The following MYOF variants were observed in gnomAD, a reference collection of about 807,000 sequenced individuals.
MYOF encodes fer-1-like 3, myoferlin.
A neutral mutation model predicts 284.2 loss-of-function variants in MYOF; 244 were observed. The ratio of observed to expected loss-of-function variants is 0.86; its 90% CI spans 0.77 to 0.95. MYOF has a LOEUF of 0.95. MYOF is among the 40% of genes least tolerant of loss of function. MYOF has a pLI of 0.00. For synonymous variants in MYOF, 904 were observed against 919.7 expected (o/e 0.98, Z 0.31); for missense variants, 2,496 against 2,560.6 (o/e 0.97, Z 0.54).
At position 93,426,100 on chromosome 10, in the gene MYOF, A is replaced by G. The variant is rs1848579629; in HGVS notation, c.404T>C (p.Leu135Pro). Reference sequence around the variant, plus strand: ...CATGCCTGGCACGCTGGGCCCGCTCAGGTCATTTGGATGTGGAGCAGAAGG... The same window carrying G: ...CATGCCTGGCACGCTGGGCCCGCTCGGGTCATTTGGATGTGGAGCAGAAGG... ...DPPSAPHPND[L>P]SGPSVPGMGG... Residue 135 changes from leucine (L) to proline (P), a missense_variant, in exon 5 of 54, where the codon CTG becomes CCG. Physicochemically the swap from Leu to Pro is moderately conservative, Grantham distance 98. Coordinates refer to ENST00000359263, the MANE Select transcript of MYOF (RefSeq NM_013451.4). 1.3e-6 allele frequency: 2 copies of G among 1,560,476 alleles called. No individual in the cohort carries two copies. The highest frequency in any genetic ancestry group is 4.8e-5 in the East Asian group (2 of 41,960).
intron 5 of MYOF, among the ~76,000 whole-genome samples, chr10:93,412,632 T>C (rs565987656): frequency 2.8e-4 from 42 of 152,314 alleles, no homozygotes; most frequent in African/African-American, 1.0e-3. Context: ...AGGCTTCCCC[T>C]ACTCCCAGGC....
At chr10:93,447,019 G>A (rs1417882468) in intron 3 of MYOF, among the ~76,000 whole-genome samples, 2 of 152,008 alleles carry the variant, frequency 1.3e-5, no homozygotes, top group African/African-American at 2.4e-5. Flanking sequence ...ACCCAGCCTC[G>A]TTTGGTCTTT....
chr10:93,404,511 G>A (rs1847456517), intron 7 of MYOF, among the ~76,000 whole-genome samples: 1 of 152,074 alleles, frequency 6.6e-6, no homozygotes, highest in African/African-American at 2.4e-5. Flanking sequence ...GCTAAATAAT[G>A]TAAAGATCCA....
chr10:93,338,122 G>A (rs112243595), intron 39 of MYOF, among the ~76,000 whole-genome samples: 2,329 of 151,454 alleles, frequency 0.015, 58 homozygotes, highest in African/African-American at 0.053. Flanking sequence ...ATTCTGGGCC[G>A]ATGAAATGTG....
intron 45 of MYOF, among the ~76,000 whole-genome samples, chr10:93,327,067 A>G (rs1843080781): frequency 6.6e-6 from 1 of 152,062 alleles, no homozygotes; most frequent in African/African-American, 2.4e-5. Context: ...TGTGACTCCA[A>G]GGCTTAGACA....
At chr10:93,403,551 T>C (rs1847403251) in intron 9 of MYOF, among the ~76,000 whole-genome samples, 1 of 152,210 alleles carries the variant, frequency 6.6e-6, no homozygotes, top group Non-Finnish European at 1.5e-5. Context: ...GCCTATTCCA[T>C]GTAGAATTGC....
intron 22 of MYOF, among the ~76,000 whole-genome samples, chr10:93,377,069 G>A (rs1845868737): frequency 6.6e-6 from 1 of 151,726 alleles, no homozygotes; most frequent in Admixed American, 6.6e-5. Flanking sequence ...GCCTGAGGCT[G>A]CCTGGGACGT....
chr10:93,449,346 C>T (rs760126694), intron 3 of MYOF, among the ~76,000 whole-genome samples: 4 of 152,100 alleles, frequency 2.6e-5, no homozygotes, highest in East Asian at 1.9e-4. Context: ...GCATGTGCAC[C>T]CTGCACTGTA....
chr10:93,369,746 C>T lies in MYOF; in HGVS notation c.2488G>A (p.Val830Met). 1.2e-6 allele frequency: 2 copies of T among 1,614,160 alleles called. No homozygotes were observed. The highest frequency in any genetic ancestry group is 1.7e-6 in the Non-Finnish European group (2 of 1,180,024). The change falls in exon 25 of 54, where the codon GTG becomes ATG. Residue 830 changes from valine to methionine, a missense_variant. Val to Met is a conservative substitution (Grantham distance 21). Around this residue, in one of 3 missense-constraint regions of MYOF, gnomAD observed 2,436 missense variants for 2,480.7 expected, o/e 0.98. Transcript: ENST00000359263. ...YPQEKNNGPK[V>M]PVELRVNIWL... The stretch of plus-strand genomic sequence containing the variant: ...ATGTTCACTCGCAACTCCACAGGCA[C>T]CTTTGGCCCGTTGTTTTTCTCCTGT...
chr10:93,432,489 G>C (rs1201779379), intron 3 of MYOF, among the ~76,000 whole-genome samples: 1 of 152,152 alleles, frequency 6.6e-6, no homozygotes, highest in Non-Finnish European at 1.5e-5. Flanking sequence ...AGTAAGAGAG[G>C]AAGGCATTTC....
chr10:93,325,770 C>T, intron 46 of MYOF, 56 bp downstream of exon 46: 2 of 1,545,774 alleles, frequency 1.3e-6, no homozygotes, highest in South Asian at 2.4e-5. Flanking sequence ...ATGTCAACTA[C>T]TGCCATTGCA....
intron 5 of MYOF, among the ~76,000 whole-genome samples, chr10:93,414,148 A>G (rs1014254459): frequency 2.6e-5 from 4 of 152,148 alleles, no homozygotes; most frequent in African/African-American, 9.7e-5. Context: ...GCTCCCGGCA[A>G]TCCTGAGCAT....
chr10:93,401,348 G>C (rs1028819591), intron 12 of MYOF, 70 bp downstream of exon 12: 2 of 1,580,134 alleles, frequency 1.3e-6, no homozygotes, highest in African/African-American at 2.7e-5. Flanking sequence ...CACTATTAAA[G>C]TTTGATTTTT....
chr10:93,432,717 TCTCC>T (rs1433222196), intron 3 of MYOF, among the ~76,000 whole-genome samples: 1 of 152,080 alleles, frequency 6.6e-6, no homozygotes, highest in African/African-American at 2.4e-5. Context: ...TACCCATCTA[TCTCC>T]TATCATACCT....
chr10:93,438,912 G>A (rs867544289), intron 3 of MYOF, among the ~76,000 whole-genome samples: 1 of 152,200 alleles, frequency 6.6e-6, no homozygotes, highest in African/African-American at 2.4e-5. Context: ...GGCCAGGACT[G>A]CCAGAGAACC....
intron 27 of MYOF, 37 bp downstream of exon 27, chr10:93,363,924 G>T: frequency 6.3e-7 from 1 of 1,587,894 alleles, no homozygotes; most frequent in South Asian, 1.1e-5. Flanking sequence ...GATCAGAGGT[G>T]ACAGGTGAGA....
chr10:93,351,455 G>A lies in MYOF; in HGVS notation c.3780C>T (p.Cys1260=), dbSNP rs377740913. 38 of 1,614,006 alleles carry A rather than the reference G, an allele frequency of 2.4e-5. No homozygotes were observed. The highest frequency in any genetic ancestry group is 4.4e-5 in the South Asian group (4 of 91,080). Residue 1260 remains cysteine (C), a synonymous_variant, in exon 34 of 54, where the codon TGC becomes TGT. Transcript: ENST00000359263. ...GCTCTGCAGTTACAAGAACATCCCC[G>A]CAGGCTTTGTCTCCATTCATTACTG... ...WHPVMNGDKA[C]GDVLVTAELI...
intron 49 of MYOF, among the ~76,000 whole-genome samples, chr10:93,317,611 T>G (rs1310455721): frequency 2.0e-5 from 3 of 152,156 alleles, no homozygotes; most frequent in Non-Finnish European, 4.4e-5. Context: ...CACTCCAGCC[T>G]GGGCGACAGA....
chr10:93,469,999 C>T (rs541933103), intron 1 of MYOF, among the ~76,000 whole-genome samples: 4 of 152,010 alleles, frequency 2.6e-5, no homozygotes, highest in East Asian at 1.9e-4. Context: ...GAGGCCAAGG[C>T]GGGCAGATCG....
Sources: allele counts gnomAD v4.1 joint callset (sites outside exome capture counted in the v4.1 genomes callset), GRCh38; gene constraint gnomAD v4.1.1; regional missense constraint gnomAD v4.1.1; transcripts MANE v1.5; gene names NCBI Gene and HGNC (gene_info 2026-07-23, HGNC 2026-07-21).